HMCN1: variants seen among roughly 807,000 people sequenced by gnomAD.
HMCN1 encodes hemicentin 1.
Under a neutral mutation model 625.9 loss-of-function variants are expected in HMCN1, and 321 were observed. The ratio of observed to expected loss-of-function variants is 0.51; its 90% CI spans 0.47 to 0.56. The LOEUF (loss-of-function observed/expected upper bound fraction) is 0.56, where lower values mean the gene tolerates loss of function less well. Ranked by LOEUF, HMCN1 falls within the 20% of genes least tolerant of loss-of-function variation. HMCN1 has a pLI of 0.00. For missense variants in HMCN1, 6,588 were observed against 6,887.3 expected, an observed-to-expected ratio of 0.96 and a Z score of 1.54; for synonymous variants, 2,425 against 2,417.6, an observed-to-expected ratio of 1.00 and a Z score of -0.09.
At chr1:186,090,502 A>G (rs1659782649) in intron 63 of HMCN1, among the ~76,000 whole-genome samples, 2 of 151,990 alleles carry the variant, frequency 1.3e-5, no homozygotes, top group African/African-American at 4.8e-5. Flanking sequence ...TTGGCCAGAA[A>G]GGGTGATCAT....
chr1:185,762,603 A>T (rs547095176), intron 1 of HMCN1, among the ~76,000 whole-genome samples: 1 of 152,276 alleles, frequency 6.6e-6, no homozygotes, highest in African/African-American at 2.4e-5. Flanking sequence ...TACCCATCTT[A>T]GTGATAAAGT....
At position 185,806,494 on chromosome 1, in the gene HMCN1, T is replaced by G. The variant is rs574056882; in HGVS notation, c.269-39532T>G. Among the ~76,000 whole-genome samples the G allele has an allele frequency of 7.4e-5, 11 of 149,062 alleles. No individual in the cohort carries two copies. The East Asian group carries it at 2.2e-3, about 29-fold the overall frequency. ...CCCAGGAGGTCAAGGCTTCAGTGAG[T>G]TGTGATCATGCCACTTCGCTGTAGC... On this transcript the variant is annotated intron_variant, in intron 1 of 106. Coordinates refer to ENST00000271588, the MANE Select transcript of HMCN1 (RefSeq NM_031935.3).
rs150916915 is a variant in HMCN1, at chr1:186,016,453, T to C, written c.5191+214T>C. 2.7e-4 allele frequency among the ~76,000 whole-genome samples: 41 copies of C among 152,218 alleles called. No individual in the cohort carries two copies. The East Asian group carries it at 7.7e-3, about 29-fold the overall frequency. ...AATCTTCCACTGATTTTGATAAGTATACTTGATATTTGCAAGTGCATAGAT... is the reference window on the plus strand; with the variant it reads ...AATCTTCCACTGATTTTGATAAGTACACTTGATATTTGCAAGTGCATAGAT... On this transcript the variant is annotated intron_variant, in intron 32 of 106. Coordinates refer to ENST00000271588, the MANE Select transcript of HMCN1 (RefSeq NM_031935.3).
At chr1:186,168,156 A>T (rs1402262971) in intron 100 of HMCN1, among the ~76,000 whole-genome samples, 1 of 151,254 alleles carries the variant, frequency 6.6e-6, no homozygotes, top group Non-Finnish European at 1.5e-5. Context: ...ATGTGGCTGC[A>T]GAAGAAATAT....
intron 86 of HMCN1, among the ~76,000 whole-genome samples, chr1:186,132,662 T>A (rs1256017141): frequency 6.7e-6 from 1 of 149,580 alleles, no homozygotes; most frequent in African/African-American, 2.5e-5. Context: ...TTTTTTTTTA[T>A]TATACTTTAA....
intron 4 of HMCN1, among the ~76,000 whole-genome samples, chr1:185,902,101 AT>A (rs1441332281): frequency 2.0e-5 from 3 of 151,578 alleles, no homozygotes; most frequent in African/African-American, 7.3e-5. Context: ...TCTTCTCTTA[AT>A]TTTTTATTTA....
At chr1:185,851,459 A>T (rs1662156878) in intron 2 of HMCN1, among the ~76,000 whole-genome samples, 1 of 152,090 alleles carries the variant, frequency 6.6e-6, no homozygotes, top group African/African-American at 2.4e-5. Context: ...GCAAAAAATT[A>T]TTACACTTAA....
rs140437655 is a variant in HMCN1 at position 185,933,201 on chromosome 1, T to C, written c.1553-348T>C. 9.8e-5 allele frequency among the ~76,000 whole-genome samples: 15 copies of C among 152,294 alleles called. No individual in the cohort carries two copies. In the East Asian group the frequency reaches 2.9e-3, roughly 29 times the overall value. On this transcript the variant is annotated intron_variant, in intron 10 of 106. Transcript: ENST00000271588. The stretch of plus-strand genomic sequence containing the variant: ...ACGCTAAATACATATTTTTAAAATC[T>C]AAAAGTTTGCAAATGCTGCTTTCAT...
At chr1:186,014,993 G>C (rs137955753) in intron 30 of HMCN1, among the ~76,000 whole-genome samples, 166 bp from the exon 31 acceptor site, 1 of 152,226 alleles carries the variant, frequency 6.6e-6, no homozygotes, top group East Asian at 1.9e-4. Context: ...GAATGATAAA[G>C]ATGGTTTTGA....
intron 6 of HMCN1, among the ~76,000 whole-genome samples, chr1:185,917,180 G>A (rs1428537123): frequency 1.3e-5 from 2 of 152,000 alleles, no homozygotes; most frequent in African/African-American, 4.8e-5. Flanking sequence ...CAAAAATTAG[G>A]GTTTTTTTTG....
At chr1:185,831,208 T>C (rs1047350304) in intron 1 of HMCN1, among the ~76,000 whole-genome samples, 12 of 152,280 alleles carry the variant, frequency 7.9e-5, no homozygotes, top group African/African-American at 1.4e-4. Flanking sequence ...ATAAACATCC[T>C]GATTAAAGGT....
chr1:186,152,100 A>G (rs542629108), intron 95 of HMCN1, among the ~76,000 whole-genome samples: 7 of 152,322 alleles, frequency 4.6e-5, no homozygotes, highest in Admixed American at 6.5e-5. Context: ...CCAAGATCCA[A>G]TTAGGATACT....
intron 17 of HMCN1, among the ~76,000 whole-genome samples, chr1:185,981,830 G>A (rs1014190321): frequency 2.6e-5 from 4 of 152,060 alleles, no homozygotes; most frequent in African/African-American, 9.7e-5. Context: ...ATTTGCTTGA[G>A]ATATTACAAC....
chr1:186,119,474 C>A (rs1661291962), intron 78 of HMCN1, among the ~76,000 whole-genome samples, 176 bp downstream of exon 78: 1 of 152,132 alleles, frequency 6.6e-6, no homozygotes, highest in African/African-American at 2.4e-5. Flanking sequence ...AAATGGCAAA[C>A]CACTCAAAGT....
intron 1 of HMCN1, among the ~76,000 whole-genome samples, chr1:185,801,609 A>G (rs1222732863): frequency 6.6e-6 from 1 of 152,236 alleles, no homozygotes; most frequent in African/African-American, 2.4e-5. Flanking sequence ...GAGAGTATGA[A>G]CTAGTTCAAT....
intron 9 of HMCN1, among the ~76,000 whole-genome samples, chr1:185,926,717 C>T (rs1667295530): frequency 6.6e-6 from 1 of 152,144 alleles, no homozygotes; most frequent in South Asian, 2.1e-4. Context: ...ATACCCTAAT[C>T]CTGATTCACT....
intron 101 of HMCN1, 70 bp from the exon 102 acceptor site, chr1:186,171,936 A>G: frequency 6.8e-7 from 1 of 1,477,924 alleles, no homozygotes; most frequent in Non-Finnish European, 9.4e-7. Flanking sequence ...AAAATCCAAA[A>G]GTATGATTTC....
intron 1 of HMCN1, among the ~76,000 whole-genome samples, chr1:185,741,115 A>G (rs1022236354): frequency 1.3e-5 from 2 of 152,264 alleles, no homozygotes; most frequent in South Asian, 2.1e-4. Context: ...CCTCCCTTCC[A>G]TCATCCACTG....
At chr1:186,038,226 A>C (rs182367940) in intron 37 of HMCN1, among the ~76,000 whole-genome samples, 191 bp downstream of exon 37, 32 of 152,306 alleles carry the variant, frequency 2.1e-4, no homozygotes, top group African/African-American at 7.5e-4. Context: ...AACTGCATGA[A>C]ACAATTTATT....
Sources: gnomAD v4.1 joint callset for allele counts (sites outside exome capture counted in the v4.1 genomes callset) on GRCh38, gnomAD v4.1.1 for gene constraint, MANE v1.5 for transcripts, NCBI Gene and HGNC (gene_info 2026-07-23, HGNC 2026-07-21) for gene names.